Variants in TTC12 observed in about 807,000 individuals in gnomAD.
TTC12 encodes tetratricopeptide repeat protein 12.
Under a neutral mutation model 90.1 loss-of-function variants are expected in TTC12, and 70 were observed. The observed-to-expected ratio is 0.78, with a 90% CI of 0.64 to 0.95. The LOEUF is 0.95. Ranked by LOEUF, TTC12 falls within the 40% of genes least tolerant of loss-of-function variation. The pLI, the probability that TTC12 is intolerant of heterozygous loss-of-function variation, is 0.00. For synonymous variants in TTC12, 296 were observed against 311.5 expected, an observed-to-expected ratio of 0.95 and a Z score of 0.53; for missense variants, 819 against 846.1, an observed-to-expected ratio of 0.97 and a Z score of 0.40.
chr11:113,356,008 A>G (rs1039619582), intron 16 of TTC12, among the ~76,000 whole-genome samples: 37 of 152,312 alleles, frequency 2.4e-4, no homozygotes, highest in African/African-American at 7.2e-4. Context: ...TTGATTTTCT[A>G]TCTCAGTGAT....
At chr11:113,355,682 G>A (rs114391823) in intron 16 of TTC12, among the ~76,000 whole-genome samples, 2,205 of 152,246 alleles carry the variant, frequency 0.014, 47 homozygotes, top group African/African-American at 0.048. Context: ...GTTCACATTA[G>A]TTTTAAAGAA....
chr11:113,341,528 C>T, intron 11 of TTC12: 1 of 365,636 alleles, frequency 2.7e-6, no homozygotes, highest in South Asian at 3.2e-5. Flanking sequence ...GCTTAGGATA[C>T]CCGTGTGGGT....
chr11:113,341,523 G>A, intron 11 of TTC12: 1 of 358,566 alleles, frequency 2.8e-6, no homozygotes, highest in Non-Finnish European at 5.2e-6. Flanking sequence ...CTGAGGCTTA[G>A]GATACCCGTG....
At chr11:113,346,579 C>T (rs781896015) in intron 13 of TTC12, among the ~76,000 whole-genome samples, 6 of 151,898 alleles carry the variant, frequency 4.0e-5, no homozygotes, top group African/African-American at 4.8e-5. Context: ...CCAGCTGGAT[C>T]GGTCCCTTTT....
chr11:113,359,566 C>T, intron 17 of TTC12, 105 bp downstream of exon 17: 2 of 779,732 alleles, frequency 2.6e-6, no homozygotes, highest in East Asian at 2.5e-5. Context: ...CATGTACACT[C>T]ACACACTGGC....
rs1946943011 is a variant in TTC12, at chr11:113,316,392, G to A, written c.58+77G>A. ...ATAAATGATTGCTCTAAGTTCCTGG[G>A]TGGCTTGACAGGTTTATAACTCTTA... On this transcript the variant is annotated intron_variant, in intron 2 of 21. Coordinates refer to ENST00000529221, the MANE Select transcript of TTC12 (RefSeq NM_017868.4). 3 of 697,070 alleles carry A rather than the reference G, an allele frequency of 4.3e-6. No homozygotes were observed. The South Asian group carries it at 1.4e-4, about 32-fold the overall frequency. 43.2% of individuals were successfully genotyped at this position (697,070 alleles called of 1,614,324 possible). A position where few individuals can be genotyped will look rare whatever the true frequency, so the allele number is the denominator to read the frequency against.
chr11:113,330,019 T>C (rs1947943950), intron 7 of TTC12, 40 bp downstream of exon 7: 1 of 1,515,752 alleles, frequency 6.6e-7, no homozygotes, highest in African/African-American at 1.4e-5. Flanking sequence ...AGTGTTGGGC[T>C]GAAGTAGATA....
At chr11:113,329,875 T>C in intron 6 of TTC12, 45 bp from the exon 7 acceptor site, 1 of 1,526,090 alleles carries the variant, frequency 6.6e-7, no homozygotes. Context: ...GAAAACTGCC[T>C]GATGCAGAAT....
chr11:113,341,786 A>C, intron 11 of TTC12, 51 bp from the exon 12 acceptor site: 1 of 1,420,754 alleles, frequency 7.0e-7, no homozygotes, highest in Admixed American at 1.7e-5. Context: ...GGAAAAGAAA[A>C]TCAAGACTGA....
intron 2 of TTC12, among the ~76,000 whole-genome samples, chr11:113,317,235 G>T (rs1390604122): frequency 1.3e-4 from 20 of 152,106 alleles, no homozygotes; most frequent in African/African-American, 4.6e-4. Context: ...CTATGGTACT[G>T]TCATACCTAC....
chr11:113,356,734 A>G (rs1233167111), intron 16 of TTC12, among the ~76,000 whole-genome samples: 1 of 152,132 alleles, frequency 6.6e-6, no homozygotes, highest in African/African-American at 2.4e-5. Flanking sequence ...TATTTTCTAT[A>G]ATGATGTTGA....
chr11:113,345,315 C>T (rs1051164219), intron 13 of TTC12, among the ~76,000 whole-genome samples: 1 of 152,146 alleles, frequency 6.6e-6, no homozygotes, highest in East Asian at 1.9e-4. Flanking sequence ...CCTCATCCTG[C>T]GGGGTAGGCA....
At chr11:113,334,860 C>T (rs889400850) in intron 7 of TTC12, 106 bp from the exon 8 acceptor site, 10 of 874,746 alleles carry the variant, frequency 1.1e-5, no homozygotes, top group Non-Finnish European at 1.6e-5. Flanking sequence ...GGTAGTTGCC[C>T]TGAGAATCAA....
chr11:113,327,332 C>A (rs1370863687), intron 6 of TTC12, among the ~76,000 whole-genome samples: 1 of 152,178 alleles, frequency 6.6e-6, no homozygotes. Context: ...GGACAATGTG[C>A]TCCCTGGTGT....
intron 7 of TTC12, among the ~76,000 whole-genome samples, chr11:113,331,080 A>G (rs1031272521): frequency 2.6e-5 from 4 of 152,204 alleles, no homozygotes; most frequent in Admixed American, 2.0e-4. Flanking sequence ...ACCTCTGCTT[A>G]TAATCATTCA....
chr11:113,344,611 C>T (rs962744229), intron 13 of TTC12, among the ~76,000 whole-genome samples, 171 bp downstream of exon 13: 4 of 152,166 alleles, frequency 2.6e-5, no homozygotes, highest in East Asian at 1.9e-4. Flanking sequence ...GACTCCTGTC[C>T]GAACTTGGTA....
At chr11:113,345,235 C>G (rs1412016516) in intron 13 of TTC12, among the ~76,000 whole-genome samples, 5 of 152,218 alleles carry the variant, frequency 3.3e-5, no homozygotes, top group Non-Finnish European at 1.5e-5. Context: ...ATAAATGTTT[C>G]TCACACAATC....
chr11:113,341,280 C>T lies in TTC12; in HGVS notation c.896+547C>T, dbSNP rs143946014. ...AGGAACAGCAGCACTTCCCAGGGCT[C>T]CTCTAAGCTCTTCAAAGTCAGAGAA... On this transcript the variant is annotated intron_variant, in intron 11 of 21. Transcript: ENST00000529221. 5.9e-5 allele frequency among the ~76,000 whole-genome samples: 9 copies of T among 152,304 alleles called. No individual in the cohort carries two copies. The East Asian group carries it at 1.7e-3, about 29-fold the overall frequency.
chr11:113,320,621 G>A (rs1591513431), intron 2 of TTC12, among the ~76,000 whole-genome samples: 1 of 152,196 alleles, frequency 6.6e-6, no homozygotes, highest in South Asian at 2.1e-4. Flanking sequence ...GGGATGCTGG[G>A]CAAGAGCTCG....
Sources: gnomAD v4.1 joint callset for allele counts (sites outside exome capture counted in the v4.1 genomes callset) on GRCh38, gnomAD v4.1.1 for gene constraint, MANE v1.5 for transcripts, NCBI Gene and HGNC (gene_info 2026-07-23, HGNC 2026-07-21) for gene names.